KYAT3: variants seen among roughly 807,000 people sequenced by gnomAD.
The protein encoded by KYAT3 is kynurenine--oxoglutarate transaminase 3.
KYAT3 carries 50 observed loss-of-function variants against 59.0 expected under a neutral mutation model. That is an observed-to-expected ratio of 0.85 (90% CI 0.68 to 1.07). The LOEUF (loss-of-function observed/expected upper bound fraction) is 1.07, where lower values mean the gene tolerates loss of function less well. KYAT3 is among the 50% of genes least tolerant of loss of function. The pLI is 0.00. For missense variants in KYAT3, 497 were observed against 533.3 expected, an observed-to-expected ratio of 0.93 and a Z score of 0.67; for synonymous variants, 148 against 177.0, an observed-to-expected ratio of 0.84 and a Z score of 1.30.
the KYAT3 span, among the ~76,000 whole-genome samples, chr1:88,929,257 C>T: frequency 2.0e-5 from 3 of 152,056 alleles, no homozygotes; most frequent in African/African-American, 7.2e-5. Context: ...AGTACAGAAA[C>T]CCAACGGACA....
At chr1:88,988,412 G>C (rs961991729) in intron 1 of KYAT3, 61 bp from the exon 2 acceptor site, 1 of 914,712 alleles carries the variant, frequency 1.1e-6, no homozygotes, top group East Asian at 2.5e-5. Flanking sequence ...ATCACTATCA[G>C]ACACTTACAG....
chr1:88,951,017 C>G (rs898343989), intron 10 of KYAT3, among the ~76,000 whole-genome samples: 1 of 152,150 alleles, frequency 6.6e-6, no homozygotes, highest in Admixed American at 6.5e-5. Flanking sequence ...TACCACTGGG[C>G]CTTTCCGCTT....
the KYAT3 span, among the ~76,000 whole-genome samples, chr1:88,928,815 T>G: frequency 2.8e-4 from 43 of 152,282 alleles, no homozygotes; most frequent in African/African-American, 9.6e-4. Flanking sequence ...GATCTGTCAC[T>G]ATCCGAGGGG....
At chr1:88,942,534 C>G (rs1368570417) in intron 13 of KYAT3, among the ~76,000 whole-genome samples, 6 of 151,938 alleles carry the variant, frequency 3.9e-5, no homozygotes, top group Middle Eastern at 3.2e-3. Flanking sequence ...TGTCTTCTTT[C>G]AAAAAGTGTT....
chr1:88,939,955 G>T (rs1390554949), intron 13 of KYAT3, among the ~76,000 whole-genome samples: 1 of 151,854 alleles, frequency 6.6e-6, no homozygotes, highest in African/African-American at 2.4e-5. Flanking sequence ...TTGCTCCATG[G>T]CAACATTTTT....
intron 2 of KYAT3, chr1:88,983,793 T>C (rs745621525): frequency 1.2e-6 from 2 of 1,614,016 alleles, no homozygotes; most frequent in South Asian, 1.1e-5. Flanking sequence ...AGCCCACCAA[T>C]GAAGAGCTTT....
Position 88,961,190 on chromosome 1 carries a change from G to A in KYAT3, c.764C>T (p.Ser255Phe). The A allele has an allele frequency of 6.2e-7, 1 of 1,613,430 alleles. No individual in the cohort carries two copies. The highest frequency in any genetic ancestry group is 8.5e-7 in the Non-Finnish European group (1 of 1,179,764). ...SDEVYEWLVY[S>F]GNKHLKIATF... ...ACCTATTTTTAAGTGCTTATTTCCA[G>A]AATATACAAGCCATTCATAAACCTC... The change falls in exon 8 of 14, where the codon TCT becomes TTT. Residue 255 changes from serine to phenylalanine, a missense_variant. Transcript: ENST00000260508.
chr1:88,978,330 C>T (rs969288908), intron 2 of KYAT3, among the ~76,000 whole-genome samples: 5 of 151,774 alleles, frequency 3.3e-5, no homozygotes, highest in African/African-American at 4.8e-5. Flanking sequence ...ATTTCTTCTC[C>T]GGGTGGAGTT....
chr1:88,968,887 T>A, intron 3 of KYAT3, 73 bp from the exon 4 acceptor site: 1 of 1,172,656 alleles, frequency 8.5e-7, no homozygotes, highest in Non-Finnish European at 1.2e-6. Flanking sequence ...TCTTATAGTC[T>A]TACCACAAAA....
chr1:88,950,679 T>C (rs577582586), intron 10 of KYAT3, among the ~76,000 whole-genome samples: 9 of 152,314 alleles, frequency 5.9e-5, no homozygotes, highest in Admixed American at 5.9e-4. Context: ...TTTCAAAATA[T>C]ATTCAGAGTC....
At chr1:88,983,884 G>A in intron 2 of KYAT3, 3 of 1,603,966 alleles carry the variant, frequency 1.9e-6, no homozygotes, top group East Asian at 2.2e-5. Flanking sequence ...CAACAAGCTC[G>A]CCGACAGGGG....
chr1:88,983,975 G>C, intron 2 of KYAT3: 1 of 862,086 alleles, frequency 1.2e-6, no homozygotes, highest in Non-Finnish European at 1.9e-6. Flanking sequence ...TGCGCAATCT[G>C]GATGCTTTTT....
At chr1:88,961,308 A>G in intron 7 of KYAT3, 21 bp from the exon 8 acceptor site, 1 of 1,613,666 alleles carries the variant, frequency 6.2e-7, no homozygotes, top group Middle Eastern at 1.7e-4. Context: ...TAAAGGAAAG[A>G]GCACAGCCAA....
At chr1:88,965,262 A>T (rs1052456810) in intron 4 of KYAT3, among the ~76,000 whole-genome samples, 1 of 152,204 alleles carries the variant, frequency 6.6e-6, no homozygotes, top group African/African-American at 2.4e-5. Context: ...AATAAAAATC[A>T]ACCATTTGTA....
chr1:88,972,562 T>TC (rs1676594545), intron 2 of KYAT3, among the ~76,000 whole-genome samples: 1 of 152,204 alleles, frequency 6.6e-6, no homozygotes, highest in African/African-American at 2.4e-5. Context: ...CCCAAAGTCT[T>TC]GGTGGCCTAA....
At chr1:88,925,779 A>G in the KYAT3 span, among the ~76,000 whole-genome samples, 1 of 152,184 alleles carries the variant, frequency 6.6e-6, no homozygotes, top group Non-Finnish European at 1.5e-5. Context: ...AGGGAGTCAA[A>G]GAGAAAAAGA....
chr1:88,961,389 G>A lies in KYAT3; in HGVS notation c.658C>T (p.Leu220Phe). The change falls in exon 7 of 14, where the codon CTT (leucine) becomes TTT (phenylalanine). Residue 220 changes from leucine (L) to phenylalanine (F), a missense_variant. By Grantham distance (22) the Leu-to-Phe change is conservative. Transcript: ENST00000260508. ...AGATGAGACTTGCTTACCTTGCCAA[G>A]TGGGTTATGTGGAGTATTTAGTATA... ...AIILNTPHNPLGKVYNREELQ... is the reference protein window; with the variant it reads ...AIILNTPHNPFGKVYNREELQ... 6.2e-7 allele frequency: 1 copy of A among 1,613,888 alleles called. No individual in the cohort carries two copies. Among genetic ancestry groups the A allele is most frequent in the Non-Finnish European group, 8.5e-7 (1 of 1,179,882 alleles).
intron 2 of KYAT3, chr1:88,980,940 T>C (rs1321160433): frequency 6.6e-6 from 1 of 152,206 alleles, no homozygotes; most frequent in Non-Finnish European, 1.5e-5. Flanking sequence ...TTACTATCCC[T>C]AGTTGCAAAT....
At chr1:88,963,244 A>C (rs146234831) in intron 5 of KYAT3, among the ~76,000 whole-genome samples, 1,930 of 152,300 alleles carry the variant, frequency 0.013, 37 homozygotes, top group Non-Finnish European at 0.016. Context: ...AATAGAGGAA[A>C]GAAAGCTAAG....
Sources: allele counts gnomAD v4.1 joint callset (sites outside exome capture counted in the v4.1 genomes callset), GRCh38; gene constraint gnomAD v4.1.1; transcripts MANE v1.5; gene names NCBI Gene and HGNC (gene_info 2026-07-23, HGNC 2026-07-21).